The following EPB41 variants were observed in gnomAD, a reference collection of about 807,000 sequenced individuals.
EPB41 encodes erythrocyte membrane protein band 4.1.
Under a neutral mutation model 108.0 loss-of-function variants are expected in EPB41, and 65 were observed. The observed-to-expected ratio is 0.60, with a 90% CI of 0.49 to 0.74. The LOEUF (loss-of-function observed/expected upper bound fraction) is 0.74, where lower values mean the gene tolerates loss of function less well. Ranked by LOEUF, EPB41 falls within the 30% of genes least tolerant of loss-of-function variation. The pLI, the probability that EPB41 is intolerant of heterozygous loss-of-function variation, is 0.00. For missense variants in EPB41, 875 were observed against 1,037.0 expected (o/e 0.84, Z 2.15); for synonymous variants, 336 against 358.9 (o/e 0.94, Z 0.72).
intron 1 of EPB41, among the ~76,000 whole-genome samples, chr1:28,918,767 A>G (rs1423158802): frequency 3.3e-5 from 5 of 152,220 alleles, no homozygotes; most frequent in Non-Finnish European, 5.9e-5. Flanking sequence ...AAGAGAAAAA[A>G]GAAAAAGTAA....
At chr1:28,931,771 T>C (rs2093761342) in intron 1 of EPB41, among the ~76,000 whole-genome samples, 2 of 152,028 alleles carry the variant, frequency 1.3e-5, no homozygotes, top group South Asian at 2.1e-4. Context: ...CCTGACCTCA[T>C]GATCCACTCG....
intron 1 of EPB41, among the ~76,000 whole-genome samples, chr1:28,929,393 T>G (rs1418057721): frequency 3.3e-5 from 5 of 150,820 alleles, no homozygotes; most frequent in Non-Finnish European, 7.4e-5. Flanking sequence ...GCCCGGCTAA[T>G]TTTTTGTATT....
At chr1:29,039,150 G>T in intron 10 of EPB41, 104 bp from the exon 11 acceptor site, 1 of 1,295,060 alleles carries the variant, frequency 7.7e-7, no homozygotes. Context: ...TGGAAACCCT[G>T]AGAATTGTGA....
At chr1:28,957,740 A>C (rs1471563010) in intron 1 of EPB41, among the ~76,000 whole-genome samples, 1 of 152,120 alleles carries the variant, frequency 6.6e-6, no homozygotes, top group Admixed American at 6.6e-5. Context: ...ATTGTTTTTA[A>C]GAATTGGTCT....
chr1:28,912,859 C>T (rs1044986102), upstream of EPB41, among the ~76,000 whole-genome samples: 4 of 152,066 alleles, frequency 2.6e-5, no homozygotes, highest in South Asian at 6.2e-4. Context: ...TCAGGTGATC[C>T]GCCTGCCTCA....
chr1:28,902,509 C>T (rs2091412190), intron 1 of EPB41, among the ~76,000 whole-genome samples: 1 of 152,166 alleles, frequency 6.6e-6, no homozygotes, highest in South Asian at 2.1e-4. Context: ...CTTTCCCCTT[C>T]CCAGCTCGGG....
intron 5 of EPB41, among the ~76,000 whole-genome samples, chr1:29,014,926 G>A (rs937666809): frequency 6.6e-6 from 1 of 152,050 alleles, no homozygotes; most frequent in Admixed American, 6.6e-5. Flanking sequence ...TGGGAGTATC[G>A]CATGAGCCCA....
intron 4 of EPB41, among the ~76,000 whole-genome samples, chr1:29,007,807 G>A (rs1231128948): frequency 6.6e-6 from 1 of 151,946 alleles, no homozygotes; most frequent in Non-Finnish European, 1.5e-5. Flanking sequence ...AAATGCAAGT[G>A]TTCCCCAAGT....
chr1:28,979,483 A>T (rs1031598920), intron 1 of EPB41, among the ~76,000 whole-genome samples: 2 of 151,470 alleles, frequency 1.3e-5, no homozygotes, highest in African/African-American at 2.4e-5. Context: ...AACACCCTTC[A>T]TTACAGAATA....
At chr1:28,959,063 G>C (rs1019503032) in intron 1 of EPB41, among the ~76,000 whole-genome samples, 1 of 151,868 alleles carries the variant, frequency 6.6e-6, no homozygotes, top group African/African-American at 2.4e-5. Flanking sequence ...GCAGGGAAGT[G>C]CAGGCTGTTT....
chr1:29,039,577 C>T, intron 11 of EPB41, 151 bp downstream of exon 11: 1 of 1,011,140 alleles, frequency 9.9e-7, no homozygotes, highest in Admixed American at 2.3e-5. Context: ...CTTTGGGAGG[C>T]CAGGGCAGGT....
At chr1:29,048,052 G>A (rs1320841259) in intron 11 of EPB41, among the ~76,000 whole-genome samples, 1 of 151,992 alleles carries the variant, frequency 6.6e-6, no homozygotes, top group Non-Finnish European at 1.5e-5. Flanking sequence ...CCAAAGTTCT[G>A]GGATTACGGG....
At chr1:28,932,012 G>A (rs1018632400) in intron 1 of EPB41, among the ~76,000 whole-genome samples, 17 of 152,256 alleles carry the variant, frequency 1.1e-4, no homozygotes, top group African/African-American at 3.9e-4. Context: ...GTTGTAATAT[G>A]CCTAGTCTAT....
At chr1:29,084,174 C>A (rs937303829) in intron 16 of EPB41, among the ~76,000 whole-genome samples, 1 of 152,218 alleles carries the variant, frequency 6.6e-6, no homozygotes, top group Non-Finnish European at 1.5e-5. Context: ...TCCCCTATTC[C>A]CACTGCCATC....
chr1:29,065,296 G>C (rs1647148808), intron 16 of EPB41, 138 bp downstream of exon 16: 1 of 1,364,574 alleles, frequency 7.3e-7, no homozygotes, highest in East Asian at 2.6e-5. Context: ...CTGCTTTAAG[G>C]CATTTGTAAT....
chr1:28,953,073 A>T lies in EPB41; in HGVS notation c.-7-34358A>T, dbSNP rs113613077. Among the ~76,000 whole-genome samples, 274 of 149,228 alleles carry T rather than the reference A, an allele frequency of 1.8e-3. 1 individual carries two copies. The highest frequency in any genetic ancestry group is 0.014 in the Middle Eastern group (4 of 286). On this transcript the variant is annotated intron_variant, in intron 1 of 20. Coordinates refer to ENST00000343067, the MANE Select transcript of EPB41 (RefSeq NM_001376013.1). The stretch of plus-strand genomic sequence containing the variant: ...CAAATTTCTAGTTGTCTCAAATGGA[A>T]TTTTTTTTTTTTGGTAATTTCATTT...
chr1:29,035,263 G>A (rs544883744), intron 9 of EPB41, among the ~76,000 whole-genome samples: 67 of 152,184 alleles, frequency 4.4e-4, no homozygotes, highest in African/African-American at 1.5e-3. Context: ...GATTACAGGC[G>A]TAAGCCACCG....
chr1:29,071,960 C>CA (rs967488473), intron 16 of EPB41: 1 of 151,634 alleles, frequency 6.6e-6, no homozygotes, highest in African/African-American at 2.4e-5. Context: ...CCTCTTAGAG[C>CA]AAAAAAAGAG....
At chr1:29,010,163 C>A (rs1030501568) in intron 4 of EPB41, among the ~76,000 whole-genome samples, 1 of 151,972 alleles carries the variant, frequency 6.6e-6, no homozygotes, top group Admixed American at 6.6e-5. Flanking sequence ...ATGGTGAAAC[C>A]CCATCTCTAC....
Sources: gnomAD v4.1 joint callset for allele counts (sites outside exome capture counted in the v4.1 genomes callset) on GRCh38, gnomAD v4.1.1 for gene constraint, MANE v1.5 for transcripts, NCBI Gene and HGNC (gene_info 2026-07-23, HGNC 2026-07-21) for gene names.